Variants in C9orf153 observed in about 807,000 individuals in gnomAD.
C9orf153 encodes uncharacterized protein C9orf153.
C9orf153 carries 10 observed loss-of-function variants against 9.0 expected under a neutral mutation model. The ratio of observed to expected loss-of-function variants is 1.11; its 90% CI spans 0.69 to 1.89. The LOEUF (loss-of-function observed/expected upper bound fraction) is 1.89. Among genes scored for constraint, C9orf153 ranks in the 40% most tolerant of loss-of-function variants. The pLI, the probability that C9orf153 is intolerant of heterozygous loss-of-function variation, is 0.00. For synonymous variants in C9orf153, 35 were observed against 37.3 expected (o/e 0.94, Z 0.23); for missense variants, 108 against 111.0 (o/e 0.97, Z 0.12).
At chr9:86,247,922 C>T (rs1824904994) in intron 1 of C9orf153, among the ~76,000 whole-genome samples, 2 of 152,104 alleles carry the variant, frequency 1.3e-5, no homozygotes, top group South Asian at 4.1e-4. Flanking sequence ...TGGTCATCTG[C>T]TCAGTAAGAG....
intron 1 of C9orf153, among the ~76,000 whole-genome samples, chr9:86,247,739 A>G (rs1323241617): frequency 6.6e-6 from 1 of 152,178 alleles, no homozygotes; most frequent in Admixed American, 6.5e-5. Context: ...GTTCCTTTTC[A>G]TGTGATTCAT....
At chr9:86,233,051 G>T (rs1347621591) in intron 1 of C9orf153, among the ~76,000 whole-genome samples, 1 of 151,904 alleles carries the variant, frequency 6.6e-6, no homozygotes, top group Non-Finnish European at 1.5e-5. Flanking sequence ...TAACTCTTGT[G>T]GAATATTTCC....
intron 1 of C9orf153, 88 bp downstream of exon 1, chr9:86,259,462 A>C (rs1383082326): frequency 6.6e-6 from 1 of 152,224 alleles, no homozygotes; most frequent in Non-Finnish European, 1.5e-5. Flanking sequence ...ACCTCACTCC[A>C]TCTCTCCTTG....
At chr9:86,224,795 T>C (rs1345728271) in intron 3 of C9orf153, among the ~76,000 whole-genome samples, 2 of 147,358 alleles carry the variant, frequency 1.4e-5, no homozygotes, top group African/African-American at 5.1e-5. Context: ...AAAAATTAGC[T>C]GGGCTTGGTG....
At chr9:86,258,060 T>A (rs1825162227) in intron 1 of C9orf153, among the ~76,000 whole-genome samples, 1 of 152,138 alleles carries the variant, frequency 6.6e-6, no homozygotes, top group Non-Finnish European at 1.5e-5. Flanking sequence ...AAAATTTTTG[T>A]AGGACGGGTG....
chr9:86,244,791 T>A (rs1463769995), intron 1 of C9orf153, among the ~76,000 whole-genome samples: 2 of 152,216 alleles, frequency 1.3e-5, no homozygotes, highest in East Asian at 3.8e-4. Context: ...CTGAATTTTG[T>A]GTTTAGCATT....
intron 1 of C9orf153, among the ~76,000 whole-genome samples, chr9:86,243,442 A>ATT (rs113187419): frequency 6.9e-6 from 1 of 144,012 alleles, no homozygotes; most frequent in Middle Eastern, 3.6e-3. Context: ...AAACCCCTGA[A>ATT]TTTTTTTTTT....
At chr9:86,248,688 C>T (rs1271304740) in intron 1 of C9orf153, among the ~76,000 whole-genome samples, 1 of 152,074 alleles carries the variant, frequency 6.6e-6, no homozygotes, top group African/African-American at 2.4e-5. Context: ...GGCACTCCCC[C>T]AGTTGGGTGA....
intron 1 of C9orf153, among the ~76,000 whole-genome samples, chr9:86,250,197 T>TA (rs1236896960): frequency 3.3e-5 from 5 of 152,240 alleles, no homozygotes; most frequent in Non-Finnish European, 5.9e-5. Context: ...TTTTTCTTTT[T>TA]AAACTTTGTT....
intron 3 of C9orf153, among the ~76,000 whole-genome samples, chr9:86,222,054 T>C (rs1824217164): frequency 6.6e-6 from 1 of 151,934 alleles, no homozygotes; most frequent in African/African-American, 2.4e-5. Flanking sequence ...CCCGGTTACT[T>C]TTTTTGTATT....
rs185939472 is a variant in C9orf153 at position 86,228,467 on chromosome 9, C to T, written c.67-437G>A. On this transcript the variant is annotated intron_variant, in intron 2 of 3. Transcript: ENST00000339137. ...ATCACTTAGATATCAGAGCTTCATC[C>T]TGTTGTCCAAAGAGCCCATAATGTT... Among the ~76,000 whole-genome samples the T allele has an allele frequency of 9.5e-4, 145 of 152,252 alleles. No individual in the cohort carries two copies. The East Asian group carries it at 0.02, about 21-fold the overall frequency.
chr9:86,228,705 C>T (rs1485053619), intron 2 of C9orf153: 2 of 152,560 alleles, frequency 1.3e-5, no homozygotes, highest in African/African-American at 4.8e-5. Context: ...CACTGGAAGG[C>T]CAAAGAGGCC....
intron 1 of C9orf153, among the ~76,000 whole-genome samples, chr9:86,236,548 CAAAA>C (rs976982879): frequency 1.5e-5 from 1 of 65,366 alleles, no homozygotes; most frequent in African/African-American, 5.0e-5. Context: ...GACTCCATCT[CAAAA>C]AAAAAAAAAA....
chr9:86,245,711 G>T (rs1824850415), intron 1 of C9orf153, among the ~76,000 whole-genome samples: 2 of 152,104 alleles, frequency 1.3e-5, no homozygotes, highest in Admixed American at 1.3e-4. Flanking sequence ...AGTGTCACCT[G>T]GAATGAGGTT....
At chr9:86,248,093 G>C (rs953851325) in intron 1 of C9orf153, among the ~76,000 whole-genome samples, 2 of 152,092 alleles carry the variant, frequency 1.3e-5, no homozygotes, top group African/African-American at 4.8e-5. Flanking sequence ...TGCACTGAGG[G>C]TAGGGGTTGC....
intron 1 of C9orf153, among the ~76,000 whole-genome samples, chr9:86,236,283 T>C (rs970566772): frequency 1.3e-5 from 2 of 151,934 alleles, no homozygotes; most frequent in African/African-American, 4.8e-5. Context: ...AGGCGTGGTG[T>C]CTCATGCCTG....
At chr9:86,251,942 C>CACACACACACACACGAGA (rs367793280) in intron 1 of C9orf153, among the ~76,000 whole-genome samples, 1 of 149,646 alleles carries the variant, frequency 6.7e-6, no homozygotes, top group African/African-American at 2.5e-5. Flanking sequence ...CACACACACA[C>CACACACACACACACGAGA]GAGAGAGAGA....
chr9:86,240,776 T>C (rs1210392283), intron 1 of C9orf153, among the ~76,000 whole-genome samples: 1 of 141,884 alleles, frequency 7.0e-6, no homozygotes, highest in Non-Finnish European at 1.5e-5. Context: ...TGGTATGACC[T>C]TGGCTCACTG....
chr9:86,226,322 C>T (rs1241923715), intron 3 of C9orf153, among the ~76,000 whole-genome samples: 1 of 149,954 alleles, frequency 6.7e-6, no homozygotes, highest in African/African-American at 2.5e-5. Context: ...TCTCCCATTA[C>T]TTTTTTTTTT....
Sources: allele counts gnomAD v4.1 joint callset (sites outside exome capture counted in the v4.1 genomes callset), GRCh38; gene constraint gnomAD v4.1.1; transcripts MANE v1.5; gene names NCBI Gene and HGNC (gene_info 2026-07-23, HGNC 2026-07-21).